Variants in SPAG16 observed in about 807,000 individuals in gnomAD.
SPAG16 encodes the protein sperm associated antigen 16.
Under a neutral mutation model 80.4 loss-of-function variants are expected in SPAG16, and 86 were observed. That is an observed-to-expected ratio of 1.07 (90% CI 0.90 to 1.28). SPAG16 has a LOEUF of 1.28. Ranked by LOEUF, SPAG16 falls within the 50% of genes most tolerant of loss-of-function variation. SPAG16 has a pLI of 0.00. For synonymous variants in SPAG16, 294 were observed against 265.9 expected (o/e 1.11, Z -1.03); for missense variants, 870 against 765.3 (o/e 1.14, Z -1.61).
At chr2:213,339,804 T>G (rs1460872519) in intron 5 of SPAG16, among the ~76,000 whole-genome samples, 3 of 152,140 alleles carry the variant, frequency 2.0e-5, no homozygotes, top group Admixed American at 1.3e-4. Flanking sequence ...TTTTAATAAT[T>G]TTGAATTGTC....
At chr2:214,284,469 C>T (rs546231702) in intron 15 of SPAG16, among the ~76,000 whole-genome samples, 30 of 152,256 alleles carry the variant, frequency 2.0e-4, no homozygotes, top group South Asian at 2.1e-4. Flanking sequence ...TTATAATATA[C>T]ACCCTACTGG....
intron 15 of SPAG16, among the ~76,000 whole-genome samples, chr2:214,340,762 G>C (rs909482187): frequency 6.6e-6 from 1 of 152,176 alleles, no homozygotes; most frequent in Non-Finnish European, 1.5e-5. Context: ...TGCTGGCTGA[G>C]GCTGTGATTA....
intron 10 of SPAG16, among the ~76,000 whole-genome samples, chr2:213,495,481 T>A (rs2074441916): frequency 6.6e-6 from 1 of 152,234 alleles, no homozygotes; most frequent in Non-Finnish European, 1.5e-5. Flanking sequence ...ATTTTCACAT[T>A]CACTCATTCA....
chr2:213,742,787 A>T (rs1162428453), intron 10 of SPAG16, among the ~76,000 whole-genome samples: 1 of 151,796 alleles, frequency 6.6e-6, no homozygotes, highest in East Asian at 1.9e-4. Context: ...CCCTGACCTC[A>T]GGTGATCCAC....
chr2:214,232,659 T>C (rs1688784790), intron 15 of SPAG16, among the ~76,000 whole-genome samples: 1 of 152,042 alleles, frequency 6.6e-6, no homozygotes, highest in Admixed American at 6.6e-5. Flanking sequence ...TGGACAGTAG[T>C]TCATTTTAAA....
intron 5 of SPAG16, among the ~76,000 whole-genome samples, chr2:213,339,554 A>T (rs909828019): frequency 6.6e-6 from 1 of 152,224 alleles, no homozygotes; most frequent in African/African-American, 2.4e-5. Context: ...TGCAGAAGAT[A>T]TATCAAGTTG....
chr2:214,075,881 T>C (rs2125242674), intron 13 of SPAG16, among the ~76,000 whole-genome samples: 1 of 152,304 alleles, frequency 6.6e-6, no homozygotes, highest in African/African-American at 2.4e-5. Context: ...AGTTTAAGAC[T>C]TTTTTATAGT....
At chr2:213,386,318 A>G (rs1254816382) in intron 9 of SPAG16, among the ~76,000 whole-genome samples, 1 of 152,124 alleles carries the variant, frequency 6.6e-6, no homozygotes, top group African/African-American at 2.4e-5. Flanking sequence ...GATTAAATAT[A>G]TATATATTTT....
chr2:213,713,687 A>T (rs2066106344), intron 10 of SPAG16, among the ~76,000 whole-genome samples: 1 of 152,190 alleles, frequency 6.6e-6, no homozygotes. Flanking sequence ...CAAGGCAGGG[A>T]AAGAAAGAAG....
intron 15 of SPAG16, among the ~76,000 whole-genome samples, chr2:214,265,945 T>C (rs1308778266): frequency 6.6e-6 from 1 of 151,966 alleles, no homozygotes; most frequent in African/African-American, 2.4e-5. Context: ...TAAAATTATA[T>C]TGTTCTTTAT....
At chr2:214,146,811 T>A (rs914852207) in intron 14 of SPAG16, among the ~76,000 whole-genome samples, 4 of 151,998 alleles carry the variant, frequency 2.6e-5, no homozygotes, top group African/African-American at 9.7e-5. Flanking sequence ...CCATCCTGGC[T>A]AACACAGTGA....
intron 10 of SPAG16, among the ~76,000 whole-genome samples, chr2:213,848,019 G>T (rs1015429981): frequency 6.6e-6 from 1 of 152,202 alleles, no homozygotes; most frequent in Admixed American, 6.5e-5. Context: ...TTTATTAAAG[G>T]ACAGGTGATT....
chr2:213,531,757 C>A (rs928325664), intron 10 of SPAG16, among the ~76,000 whole-genome samples: 4 of 152,092 alleles, frequency 2.6e-5, no homozygotes, highest in Admixed American at 1.3e-4. Flanking sequence ...TCTCATTCAT[C>A]AAAAAGGTCC....
At chr2:213,553,642 T>C (rs892620332) in intron 10 of SPAG16, among the ~76,000 whole-genome samples, 1 of 152,208 alleles carries the variant, frequency 6.6e-6, no homozygotes, top group African/African-American at 2.4e-5. Context: ...ACCCTGGAAC[T>C]GTGGCTACTT....
At chr2:213,977,546 TTTTA>T (rs1272251692) in intron 12 of SPAG16, among the ~76,000 whole-genome samples, 1 of 152,048 alleles carries the variant, frequency 6.6e-6, no homozygotes, top group African/African-American at 2.4e-5. Flanking sequence ...TCCACAGCAA[TTTTA>T]ACATCCAACT....
At chr2:213,694,042 C>CAAA (rs68152101) in intron 10 of SPAG16, among the ~76,000 whole-genome samples, 3,848 of 121,332 alleles carry the variant, frequency 0.032, 150 homozygotes, top group African/African-American at 0.11. Flanking sequence ...TTATGCAAGA[C>CAAA]AAAAAAAAAA....
intron 15 of SPAG16, among the ~76,000 whole-genome samples, chr2:214,174,801 G>A (rs945974793): frequency 5.3e-5 from 8 of 151,596 alleles, no homozygotes; most frequent in Non-Finnish European, 8.9e-5. Context: ...GGAAAAGATA[G>A]GGAAAGCTTT....
intron 15 of SPAG16, among the ~76,000 whole-genome samples, chr2:214,177,961 C>A: frequency 1.1e-5 from 1 of 89,126 alleles, no homozygotes. Flanking sequence ...TCTAACTTCA[C>A]AAAGTGTATG....
chr2:214,113,934 C>T (rs1346422582), intron 14 of SPAG16, among the ~76,000 whole-genome samples: 1 of 152,176 alleles, frequency 6.6e-6, no homozygotes, highest in African/African-American at 2.4e-5. Context: ...AGCTTTTCTG[C>T]TCTGTTTTCT....
Sources: allele counts gnomAD v4.1 joint callset (sites outside exome capture counted in the v4.1 genomes callset), GRCh38; gene constraint gnomAD v4.1.1; transcripts MANE v1.5; gene names NCBI Gene and HGNC (gene_info 2026-07-23, HGNC 2026-07-21).